MAL: variants seen among roughly 807,000 people sequenced by gnomAD.
The protein encoded by MAL is myelin and lymphocyte protein.
A neutral mutation model predicts 16.7 loss-of-function variants in MAL; 5 were observed. The ratio of observed to expected loss-of-function variants is 0.30; its 90% CI spans 0.16 to 0.63. MAL has a LOEUF of 0.63. MAL is among the 30% of genes least tolerant of loss of function. MAL has a pLI of 0.82. For missense variants in MAL, 202 were observed against 195.8 expected (o/e 1.03, Z -0.19); for synonymous variants, 96 against 85.5 (o/e 1.12, Z -0.67).
At chr2:95,038,390 GAGTGAGTGAGCA>G (rs1282734542) in intron 1 of MAL, among the ~76,000 whole-genome samples, 1 of 152,084 alleles carries the variant, frequency 6.6e-6, no homozygotes, top group Non-Finnish European at 1.5e-5. Context: ...CTAAGTGAGT[GAGTGAGTGAGCA>G]AGTGAGTGAG....
At chr2:95,053,033 G>T in intron 3 of MAL, 1 of 227,318 alleles carries the variant, frequency 4.4e-6, no homozygotes, top group Non-Finnish European at 8.6e-6. Flanking sequence ...AGTTGTCCCT[G>T]GAGAGTTACC....
chr2:95,049,679 G>T lies in MAL; in HGVS notation c.360G>T (p.Arg120Ser). The T allele has an allele frequency of 6.2e-7, 1 of 1,614,172 alleles. No individual in the cohort carries two copies. The highest frequency in any genetic ancestry group is 1.1e-5 in the South Asian group (1 of 91,078). Residue 120 changes from arginine to serine, a missense_variant, in exon 3 of 4, where the codon AGG (arginine) becomes AGT (serine). By Grantham distance (110) the Arg-to-Ser change is moderately radical. Transcript: ENST00000309988. ...CGATGCAAGACGGCTTCACCTACAG[G>T]CACTACCATGAAAACATTGCTGCCG... ...TITMQDGFTY[R>S]HYHENIAAVV...
At chr2:95,032,398 G>A (rs1573287204) in intron 1 of MAL, among the ~76,000 whole-genome samples, 1 of 152,222 alleles carries the variant, frequency 6.6e-6, no homozygotes, top group East Asian at 1.9e-4. Context: ...GAGCCAGCCA[G>A]ACTTGAACTA....
intron 1 of MAL, among the ~76,000 whole-genome samples, chr2:95,046,940 G>C (rs1415156097): frequency 7.2e-6 from 1 of 139,656 alleles, no homozygotes; most frequent in Non-Finnish European, 1.5e-5. Context: ...GAAAGAGAAA[G>C]AAAGAAAGAG....
chr2:95,035,694 G>A (rs965586655), intron 1 of MAL, among the ~76,000 whole-genome samples: 2 of 140,014 alleles, frequency 1.4e-5, no homozygotes, highest in Admixed American at 1.5e-4. Context: ...TTTTGAGACA[G>A]AGTCTTGCTC....
intron 1 of MAL, among the ~76,000 whole-genome samples, chr2:95,036,719 AAGTG>A (rs1187530622): frequency 7.9e-6 from 1 of 125,884 alleles, no homozygotes; most frequent in Non-Finnish European, 1.7e-5. Flanking sequence ...GTGAGTGACC[AAGTG>A]AGTGAGTGAG....
intron 1 of MAL, among the ~76,000 whole-genome samples, chr2:95,037,227 AAGTG>A (rs1674244211): frequency 1.4e-5 from 1 of 70,124 alleles, no homozygotes; most frequent in Non-Finnish European, 3.0e-5. Context: ...CTGAGTGACC[AAGTG>A]AGTGAGTGAC....
chr2:95,051,683 T>C (rs1422241887), intron 3 of MAL: 2 of 152,268 alleles, frequency 1.3e-5, no homozygotes, highest in Non-Finnish European at 2.9e-5. Context: ...TGTTCCCATT[T>C]TTTTTTAGTT....
Position 95,053,791 on chromosome 2 carries a change from G to C in MAL, c.*336G>C, listed in dbSNP as rs907949468. ...GAGAAGGAAAGAAAGATCCTCTGCT[G>C]ACCCCTGGAGCAGCTCTCGAGAACT... On this transcript the variant is annotated 3_prime_UTR_variant, in exon 4 of 4. Coordinates refer to ENST00000309988, the MANE Select transcript of MAL (RefSeq NM_002371.4). 1.3e-5 allele frequency: 4 copies of C among 297,680 alleles called. No homozygotes were observed. Among genetic ancestry groups the C allele is most frequent in the African/African-American group, 6.3e-5 (3 of 47,494 alleles). The allele number at this position is 297,680 out of a possible 1,614,324, so 18.4% of individuals were successfully genotyped here.
At chr2:95,039,499 G>C (rs1320655223) in intron 1 of MAL, among the ~76,000 whole-genome samples, 2 of 119,286 alleles carry the variant, frequency 1.7e-5, no homozygotes, top group African/African-American at 6.4e-5. Context: ...TGACTGAGTG[G>C]GTGAGTGACT....
At chr2:95,042,784 T>C (rs1478377730) in intron 1 of MAL, among the ~76,000 whole-genome samples, 1 of 152,196 alleles carries the variant, frequency 6.6e-6, no homozygotes, top group Non-Finnish European at 1.5e-5. Flanking sequence ...AAGGAAATGC[T>C]TGAACCCTCA....
chr2:95,036,504 G>A (rs2104337518), intron 1 of MAL, among the ~76,000 whole-genome samples: 1 of 152,370 alleles, frequency 6.6e-6, no homozygotes, highest in South Asian at 2.1e-4. Flanking sequence ...GGAAGGGAGA[G>A]ATGGGCTACG....
At position 95,029,266 on chromosome 2, in the gene MAL, C is replaced by T. The variant is rs181371957; in HGVS notation, c.93+3381C>T. On this transcript the variant is annotated intron_variant, in intron 1 of 3. Coordinates refer to ENST00000309988, the MANE Select transcript of MAL (RefSeq NM_002371.4). ...TGTTATCTTATTCTCTCTCTCCCTC[C>T]GTCCTCAGGGCCACCTGTAGGCTGA... 5.3e-5 allele frequency among the ~76,000 whole-genome samples: 8 copies of T among 152,318 alleles called. 1 individual carries two copies. In the East Asian group the frequency reaches 1.2e-3, roughly 22 times the overall value.
rs180963502 is a variant in MAL, at chr2:95,039,308, G to A, written c.94-8651G>A. ...AGTGAGTGACTGAGTGACTGAGTGGGTGAGTGAGTGAGTGAGTGACTGAGT... is the reference window on the plus strand; with the variant it reads ...AGTGAGTGACTGAGTGACTGAGTGGATGAGTGAGTGAGTGAGTGACTGAGT... On this transcript the variant is annotated intron_variant, in intron 1 of 3. Transcript: ENST00000309988. Among the ~76,000 whole-genome samples the A allele has an allele frequency of 2.9e-3, 442 of 150,430 alleles. 3 individuals are homozygous for A. The highest frequency in any genetic ancestry group is 4.4e-3 in the Non-Finnish European group (299 of 67,514).
intron 2 of MAL, among the ~76,000 whole-genome samples, chr2:95,048,724 G>A (rs1472088108): frequency 6.6e-6 from 1 of 152,236 alleles, no homozygotes; most frequent in Non-Finnish European, 1.5e-5. Flanking sequence ...TTTGGCCAAG[G>A]CTGTCACTCT....
chr2:95,034,661 G>A (rs553026235), intron 1 of MAL, among the ~76,000 whole-genome samples: 1 of 152,236 alleles, frequency 6.6e-6, no homozygotes, highest in East Asian at 1.9e-4. Flanking sequence ...GGGCATAGTT[G>A]GATTGAGGGG....
intron 1 of MAL, among the ~76,000 whole-genome samples, chr2:95,045,871 A>G (rs1267969860): frequency 2.0e-5 from 3 of 152,228 alleles, no homozygotes; most frequent in Non-Finnish European, 4.4e-5. Context: ...GATGAAATCT[A>G]CACACACATC....
intron 2 of MAL, 61 bp from the exon 3 acceptor site, chr2:95,049,520 G>GCTCTGCATCTGGGCCCCGT: frequency 6.2e-7 from 1 of 1,600,812 alleles, no homozygotes; most frequent in Non-Finnish European, 8.5e-7. Context: ...GGGGACCTCA[G>GCTCTGCATCTGGGCCCCGT]CTCTGCATCT....
intron 1 of MAL, among the ~76,000 whole-genome samples, chr2:95,036,871 G>A (rs537886513): frequency 6.6e-6 from 1 of 152,066 alleles, no homozygotes; most frequent in East Asian, 1.9e-4. Context: ...GTGACTGAGT[G>A]ACTGAGTGAG....
Sources: gnomAD v4.1 joint callset for allele counts (sites outside exome capture counted in the v4.1 genomes callset) on GRCh38, gnomAD v4.1.1 for gene constraint, MANE v1.5 for transcripts, NCBI Gene and HGNC (gene_info 2026-07-23, HGNC 2026-07-21) for gene names.